BACE1: variants seen among roughly 807,000 people sequenced by gnomAD.
BACE1 encodes the protein beta-secretase 1, also known as APP beta-secretase.
BACE1 carries 21 observed loss-of-function variants against 54.0 expected under a neutral mutation model. The ratio of observed to expected loss-of-function variants is 0.39; its 90% CI spans 0.28 to 0.56. BACE1 has a LOEUF of 0.56. Ranked by LOEUF, BACE1 falls within the 20% of genes least tolerant of loss-of-function variation. The probability of loss-of-function intolerance (pLI) is 0.63; values close to 1 mark genes in which losing one functional copy is unlikely to be tolerated. For missense variants in BACE1, 511 were observed against 661.2 expected (o/e 0.77, Z 2.49); for synonymous variants, 232 against 260.9 (o/e 0.89, Z 1.07).
chr11:117,290,553 T>G lies in BACE1; in HGVS notation c.1199A>C (p.Glu400Ala). The change falls in exon 8 of 9, where the codon GAG becomes GCG. Residue 400 changes from glutamate (E) to alanine (A), a missense_variant. Glu to Ala is a moderately radical substitution (Grantham distance 107). Transcript: ENST00000313005. ...CCGATCAAAGACAACGTAGAAGCCC[T>G]CCATGATAACAGCTCCCATAACAGT... ...TGTVMGAVIMEGFYVVFDRAR... is the reference protein window; with the variant it reads ...TGTVMGAVIMAGFYVVFDRAR... 1 of 1,614,164 alleles carries G rather than the reference T, an allele frequency of 6.2e-7. No individual in the cohort carries two copies. Among genetic ancestry groups the G allele is most frequent in the Non-Finnish European group, 8.5e-7 (1 of 1,180,034 alleles).
Position 117,290,516 on chromosome 11 carries a change from T to C in BACE1, c.1236A>G (p.Arg412=). The part of the protein sequence containing the change: ...FYVVFDRARK[R]IGFAVSACHV... ...GGCAAGCGCTGACAGCAAAGCCAAT[T>C]CGTTTTCGGGCCCGATCAAAGACAA... Residue 412 remains arginine (R), a synonymous_variant, in exon 8 of 9, where the codon CGA becomes CGG. Coordinates refer to ENST00000313005, the MANE Select transcript of BACE1 (RefSeq NM_012104.6). 2 of 1,614,172 alleles carry C rather than the reference T, an allele frequency of 1.2e-6. No homozygotes were observed. The highest frequency in any genetic ancestry group is 1.7e-6 in the Non-Finnish European group (2 of 1,180,024).
At position 117,288,995 on chromosome 11, in the gene BACE1, A is replaced by G. The variant is rs1277126068; in HGVS notation, c.*571T>C. ...CCTTCTCCTCTTTCCAGCCGCCCCC[A>G]TTTGTATAAATAGTCAATCTAGTTT... On this transcript the variant is annotated 3_prime_UTR_variant, in exon 9 of 9. Transcript: ENST00000313005. 1 of 152,134 alleles carries G rather than the reference A, an allele frequency of 6.6e-6. No individual in the cohort carries two copies. The highest frequency in any genetic ancestry group is 1.5e-5 in the Non-Finnish European group (1 of 68,534). 9.4% of individuals were successfully genotyped at this position (152,134 alleles called of 1,614,324 possible).
intron 1 of BACE1, among the ~76,000 whole-genome samples, chr11:117,298,148 A>G (rs548891791): frequency 1.3e-5 from 2 of 152,090 alleles, no homozygotes; most frequent in East Asian, 3.9e-4. Context: ...CTAAAAATAC[A>G]AAGATTAGCC....
rs372804989 is a variant in BACE1 at position 117,290,903 on chromosome 11, C to T, written c.1089G>A (p.Pro363=). The change falls in exon 7 of 9, where the codon CCG becomes CCA. Residue 363 remains proline, a synonymous_variant. Transcript: ENST00000313005. ...CCTGACTCAGGCTGGGACATACCTG[C>T]GGAAGGATGGTGATGCGGAAGGACT... ...TNQSFRITIL[P]QQYLRPVEDV... is the part of the protein sequence containing the mutation. 3.2e-5 allele frequency: 52 copies of T among 1,613,516 alleles called. No homozygotes were observed. Among genetic ancestry groups the T allele is most frequent in the Non-Finnish European group, 4.2e-5 (49 of 1,179,828 alleles).
chr11:117,305,192 T>G (rs1211627127), intron 1 of BACE1, among the ~76,000 whole-genome samples: 1 of 152,148 alleles, frequency 6.6e-6, no homozygotes, highest in African/African-American at 2.4e-5. Context: ...CCAGGCCTCC[T>G]TAGTCCCAGA....
intron 1 of BACE1, among the ~76,000 whole-genome samples, chr11:117,310,700 C>T (rs572907695): frequency 7.9e-5 from 12 of 152,298 alleles, no homozygotes; most frequent in African/African-American, 2.9e-4. Context: ...GGATTACAGG[C>T]GTGAGCCACT....
Position 117,286,197 on chromosome 11 carries a change from C to T in BACE1, c.*3369G>A, listed in dbSNP as rs756458668. On this transcript the variant is annotated 3_prime_UTR_variant, in exon 9 of 9. Coordinates refer to ENST00000313005, the MANE Select transcript of BACE1 (RefSeq NM_012104.6). ...GTTAGGGGGGGACATATTTCCTGTC[C>T]TGGGAAAAATGGAGACCAAAGTGAT... 1.3e-5 allele frequency: 2 copies of T among 152,536 alleles called. No individual in the cohort carries two copies. Among genetic ancestry groups the T allele is most frequent in the Admixed American group, 6.6e-5 (1 of 15,260 alleles). The allele number at this position is 152,536 out of a possible 1,614,324, so 9.4% of individuals were successfully genotyped here.
intron 2 of BACE1, 57 bp downstream of exon 2, chr11:117,296,816 T>C (rs886402997): frequency 1.2e-5 from 17 of 1,382,578 alleles, no homozygotes; most frequent in Non-Finnish European, 1.4e-5. Context: ...CCCCTGACCC[T>C]TCTTAGCCCT....
At chr11:117,310,011 C>T (rs1002641833) in intron 1 of BACE1, among the ~76,000 whole-genome samples, 5 of 152,104 alleles carry the variant, frequency 3.3e-5, no homozygotes, top group Non-Finnish European at 4.4e-5. Context: ...CGGGCTCAAG[C>T]GATTCTCCTG....
intron 1 of BACE1, among the ~76,000 whole-genome samples, chr11:117,309,966 T>C (rs1358954424): frequency 6.6e-6 from 1 of 151,604 alleles, no homozygotes; most frequent in Non-Finnish European, 1.5e-5. Context: ...TGGAGTGCAG[T>C]GGCGCAATCT....
rs528772866 is a variant in BACE1, at chr11:117,315,011, G to A, written c.261+524C>T. Among the ~76,000 whole-genome samples, 3 of 152,172 alleles carry A rather than the reference G, an allele frequency of 2.0e-5. No homozygotes were observed. The highest frequency in any genetic ancestry group is 4.4e-5 in the Non-Finnish European group (3 of 68,014). On this transcript the variant is annotated intron_variant, in intron 1 of 8. Transcript: ENST00000313005. This position sits in a 1 kb window ranked among gnomAD's most constrained non-coding sequence, Gnocchi z 5.5. ...GGCGGAGTGCAGTCAGGGGGGCCTC[G>A]ACAACCTCACTTTGCCGTACCAGTG...
chr11:117,311,601 G>A (rs2034944270), intron 1 of BACE1, among the ~76,000 whole-genome samples: 1 of 152,026 alleles, frequency 6.6e-6, no homozygotes, highest in Non-Finnish European at 1.5e-5. Flanking sequence ...GGACTGTTGT[G>A]ACAGCCCCCT....
chr11:117,292,646 G>A (rs971783852), intron 5 of BACE1, among the ~76,000 whole-genome samples: 2 of 151,960 alleles, frequency 1.3e-5, no homozygotes, highest in Non-Finnish European at 2.9e-5. Flanking sequence ...TACCTGTTTT[G>A]CAGATAAGGA....
chr11:117,309,631 G>T (rs1020018781), intron 1 of BACE1, among the ~76,000 whole-genome samples: 1 of 152,182 alleles, frequency 6.6e-6, no homozygotes, highest in Non-Finnish European at 1.5e-5. Flanking sequence ...GCTTCTCTCT[G>T]TGCACTTCCA....
intron 1 of BACE1, among the ~76,000 whole-genome samples, chr11:117,313,492 T>C (rs2035001942): frequency 6.6e-6 from 1 of 152,202 alleles, no homozygotes; most frequent in Non-Finnish European, 1.5e-5. Flanking sequence ...TGGAGGGCAA[T>C]GGTGCGATCT....
intron 1 of BACE1, among the ~76,000 whole-genome samples, chr11:117,306,583 G>A (rs1376283507): frequency 1.3e-5 from 2 of 152,064 alleles, no homozygotes; most frequent in Non-Finnish European, 2.9e-5. Flanking sequence ...TGAGGTGGGC[G>A]GATCACTTGA....
Position 117,286,634 on chromosome 11 carries a change from T to A in BACE1, c.*2932A>T, listed in dbSNP as rs2034269454. The A allele has an allele frequency of 6.5e-6, 1 of 152,730 alleles. No homozygotes were observed. The highest frequency in any genetic ancestry group is 6.5e-5 in the Admixed American group (1 of 15,288). 9.5% of individuals were successfully genotyped at this position (152,730 alleles called of 1,614,324 possible). A position where few individuals can be genotyped will look rare whatever the true frequency, so the allele number is the denominator to read the frequency against. On this transcript the variant is annotated 3_prime_UTR_variant, in exon 9 of 9. Coordinates refer to ENST00000313005, the MANE Select transcript of BACE1 (RefSeq NM_012104.6). Reference sequence around the variant, plus strand: ...ATCTCCTTTCTGCCTTTGATACTCTTTTCCTTCTTTGTCTTTCATCCTTGC... The same window carrying A: ...ATCTCCTTTCTGCCTTTGATACTCTATTCCTTCTTTGTCTTTCATCCTTGC...
chr11:117,290,882 A>C lies in BACE1; in HGVS notation c.1092+18T>G. The C allele has an allele frequency of 6.2e-7, 1 of 1,611,996 alleles. No homozygotes were observed. Among genetic ancestry groups the C allele is most frequent in the Non-Finnish European group, 8.5e-7 (1 of 1,178,992 alleles). ...TGTACTTTTAAGAGAGATCCCCCTG[A>C]CTCAGGCTGGGACATACCTGCGGAA... On this transcript the variant is annotated intron_variant, in intron 7 of 8. Transcript: ENST00000313005.
At chr11:117,305,269 GAAAA>G in intron 1 of BACE1, among the ~76,000 whole-genome samples, 1 of 152,128 alleles carries the variant, frequency 6.6e-6, no homozygotes, top group African/African-American at 2.4e-5. Flanking sequence ...CCAAGGCTGA[GAAAA>G]GGGGGCAAGG....
Sources: allele counts gnomAD v4.1 joint callset (sites outside exome capture counted in the v4.1 genomes callset), GRCh38; gene constraint gnomAD v4.1.1; non-coding constraint Gnocchi (gnomAD v3.1); transcripts MANE v1.5; gene names NCBI Gene and HGNC (gene_info 2026-07-23, HGNC 2026-07-21).